RHBDD1: variants seen among roughly 807,000 people sequenced by gnomAD.
RHBDD1 encodes rhomboid-related protein 4.
Under a neutral mutation model 36.3 loss-of-function variants are expected in RHBDD1, and 38 were observed. The ratio of observed to expected loss-of-function variants is 1.05; its 90% CI spans 0.81 to 1.37. The LOEUF is 1.37. Among genes scored for constraint, RHBDD1 ranks in the 40% most tolerant of loss-of-function variants. The pLI, the probability that RHBDD1 is intolerant of heterozygous loss-of-function variation, is 0.00. For missense variants in RHBDD1, 393 were observed against 377.6 expected (o/e 1.04, Z -0.34); for synonymous variants, 151 against 136.5 (o/e 1.11, Z -0.74).
At chr2:226,885,581 G>GT (rs1946135789) in intron 5 of RHBDD1, among the ~76,000 whole-genome samples, 2 of 152,168 alleles carry the variant, frequency 1.3e-5, no homozygotes, top group African/African-American at 4.8e-5. Context: ...AGTGGTTTCA[G>GT]TTTTTTTCAA....
intron 8 of RHBDD1, among the ~76,000 whole-genome samples, chr2:226,940,649 A>G (rs1950607618): frequency 6.6e-6 from 1 of 152,198 alleles, no homozygotes; most frequent in South Asian, 2.1e-4. Context: ...TAGATAGATG[A>G]TGGAGAGTGA....
At chr2:226,840,169 T>C (rs1362781321) in intron 3 of RHBDD1, among the ~76,000 whole-genome samples, 1 of 151,748 alleles carries the variant, frequency 6.6e-6, no homozygotes, top group Non-Finnish European at 1.5e-5. Flanking sequence ...GGAGGGGGAG[T>C]TACTTTCAAT....
the RHBDD1 span, among the ~76,000 whole-genome samples, chr2:226,806,677 C>A: frequency 6.6e-6 from 1 of 152,280 alleles, no homozygotes; most frequent in Admixed American, 6.5e-5. Flanking sequence ...ACAACTTACC[C>A]TTACTACCTG....
At chr2:226,911,153 G>C (rs1365421618) in intron 7 of RHBDD1, among the ~76,000 whole-genome samples, 2 of 152,086 alleles carry the variant, frequency 1.3e-5, no homozygotes, top group East Asian at 3.8e-4. Flanking sequence ...TAAAACTCTA[G>C]GTAGATATAC....
chr2:226,881,910 C>T (rs906225989), intron 5 of RHBDD1, among the ~76,000 whole-genome samples: 10 of 152,112 alleles, frequency 6.6e-5, no homozygotes, highest in African/African-American at 2.2e-4. Flanking sequence ...TACATATTTT[C>T]AGGAAGCTGT....
At chr2:226,892,773 A>G (rs868279693) in intron 5 of RHBDD1, among the ~76,000 whole-genome samples, 1 of 152,200 alleles carries the variant, frequency 6.6e-6, no homozygotes, top group Non-Finnish European at 1.5e-5. Flanking sequence ...GTGAAGATCA[A>G]TGCATCTCAA....
chr2:226,871,645 C>T (rs1001411254), intron 5 of RHBDD1, among the ~76,000 whole-genome samples: 8 of 152,194 alleles, frequency 5.3e-5, no homozygotes, highest in African/African-American at 1.9e-4. Flanking sequence ...ATATCCCACA[C>T]TCTAGACTTG....
At chr2:226,941,039 C>G (rs112755495) in intron 8 of RHBDD1, among the ~76,000 whole-genome samples, 2 of 128,154 alleles carry the variant, frequency 1.6e-5, no homozygotes, top group African/African-American at 6.2e-5. Flanking sequence ...CTCCACCTCT[C>G]AGGTTCAAGC....
chr2:226,908,604 CA>C (rs1366491052), intron 6 of RHBDD1: 6 of 543,286 alleles, frequency 1.1e-5, no homozygotes, highest in African/African-American at 8.3e-5. Flanking sequence ...CACACACACA[CA>C]CACACACACA....
At chr2:226,971,794 T>C (rs1355936442) in intron 8 of RHBDD1, among the ~76,000 whole-genome samples, 1 of 152,188 alleles carries the variant, frequency 6.6e-6, no homozygotes, top group Non-Finnish European at 1.5e-5. Context: ...TGTTGAGATA[T>C]GATTTTTTTT....
chr2:226,945,765 C>T (rs1185244529), intron 8 of RHBDD1, among the ~76,000 whole-genome samples: 4 of 152,152 alleles, frequency 2.6e-5, no homozygotes, highest in Non-Finnish European at 5.9e-5. Flanking sequence ...CTAATTTACA[C>T]TCCCACCAAC....
At chr2:226,817,916 C>T in the RHBDD1 span, among the ~76,000 whole-genome samples, 3 of 152,304 alleles carry the variant, frequency 2.0e-5, no homozygotes, top group Admixed American at 6.5e-5. Flanking sequence ...GACAGATACC[C>T]TTTATGGTTT....
chr2:226,904,424 G>A (rs1559252690), intron 5 of RHBDD1, among the ~76,000 whole-genome samples: 1 of 148,152 alleles, frequency 6.7e-6, no homozygotes, highest in East Asian at 2.0e-4. Flanking sequence ...CGGGGGGGGA[G>A]GGGGGTCAGG....
In RHBDD1 at chr2:226,925,488, G is replaced by A. The variant is rs562073795; in HGVS notation, c.856+11137G>A. Among the ~76,000 whole-genome samples, 7 of 152,158 alleles carry A rather than the reference G, an allele frequency of 4.6e-5. No individual in the cohort carries two copies. In the East Asian group the frequency reaches 1.2e-3, roughly 25 times the overall value. ...ATGAAAAAACGTAAGGCACAAAATA[G>A]TATGTACCATATGGCCAGAAATTTA... is the stretch of plus-strand genomic sequence containing the variant. On this transcript the variant is annotated intron_variant, in intron 8 of 8. Transcript: ENST00000392062.
At chr2:226,929,149 A>G (rs896205275) in intron 8 of RHBDD1, among the ~76,000 whole-genome samples, 3 of 152,118 alleles carry the variant, frequency 2.0e-5, no homozygotes, top group African/African-American at 4.8e-5. Context: ...AATTCATTCT[A>G]TGAAGCCGGT....
At chr2:226,912,638 C>A (rs568173667) in intron 7 of RHBDD1, among the ~76,000 whole-genome samples, 1 of 152,176 alleles carries the variant, frequency 6.6e-6, no homozygotes, top group African/African-American at 2.4e-5. Flanking sequence ...TTTATATGAG[C>A]TATCCAGAAT....
chr2:226,929,231 C>A (rs1289202038), intron 8 of RHBDD1, among the ~76,000 whole-genome samples: 1 of 151,990 alleles, frequency 6.6e-6, no homozygotes, highest in Non-Finnish European at 1.5e-5. Flanking sequence ...CTCTGATGAA[C>A]GTAGATGCAA....
the RHBDD1 span, among the ~76,000 whole-genome samples, chr2:226,810,268 G>A: frequency 6.6e-6 from 1 of 152,044 alleles, no homozygotes; most frequent in Non-Finnish European, 1.5e-5. Context: ...GACGGGGCAT[G>A]GTGGCTCATG....
chr2:226,955,438 T>C (rs750713733), intron 8 of RHBDD1, among the ~76,000 whole-genome samples: 7 of 152,266 alleles, frequency 4.6e-5, no homozygotes, highest in Non-Finnish European at 8.8e-5. Flanking sequence ...TGTTACTCTT[T>C]GTTGTACAAT....
Sources: allele counts gnomAD v4.1 joint callset (sites outside exome capture counted in the v4.1 genomes callset), GRCh38; gene constraint gnomAD v4.1.1; transcripts MANE v1.5; gene names NCBI Gene and HGNC (gene_info 2026-07-23, HGNC 2026-07-21).